The following EYS variants were observed in gnomAD, a reference collection of about 807,000 sequenced individuals.
EYS encodes protein eyes shut homolog.
Under a neutral mutation model 282.1 loss-of-function variants are expected in EYS, and 250 were observed. The observed-to-expected ratio is 0.89, with a 90% CI of 0.80 to 0.98. EYS has a LOEUF of 0.98. EYS is among the 50% of genes least tolerant of loss of function. The pLI, the probability that EYS is intolerant of heterozygous loss-of-function variation, is 0.00. For missense variants in EYS, 4,016 were observed against 3,709.0 expected, an observed-to-expected ratio of 1.08 and a Z score of -2.15; for synonymous variants, 1,355 against 1,282.9, an observed-to-expected ratio of 1.06 and a Z score of -1.20.
chr6:65,485,805 CAA>C (rs56014632), intron 5 of EYS, among the ~76,000 whole-genome samples: 7 of 147,880 alleles, frequency 4.7e-5, no homozygotes, highest in East Asian at 2.0e-4. Context: ...CTGCCTCAAA[CAA>C]AAAAAAAAAT....
At chr6:64,028,779 A>G (rs186753155) in intron 33 of EYS, among the ~76,000 whole-genome samples, 3 of 152,178 alleles carry the variant, frequency 2.0e-5, no homozygotes, top group African/African-American at 7.2e-5. Flanking sequence ...TCTGGCTACC[A>G]GTTCAGAAGC....
intron 2 of EYS, among the ~76,000 whole-genome samples, chr6:65,592,574 A>G (rs1187331759): frequency 6.6e-6 from 1 of 151,968 alleles, no homozygotes; most frequent in Non-Finnish European, 1.5e-5. Context: ...TGTAACCCTC[A>G]CAACCACCCA....
chr6:64,015,130 C>T (rs1330185895), intron 33 of EYS, among the ~76,000 whole-genome samples: 1 of 152,042 alleles, frequency 6.6e-6, no homozygotes, highest in Non-Finnish European at 1.5e-5. Flanking sequence ...GAATAAGTAA[C>T]CATGATGATG....
chr6:63,836,839 T>G (rs1771821183), intron 36 of EYS, among the ~76,000 whole-genome samples: 1 of 152,070 alleles, frequency 6.6e-6, no homozygotes, highest in African/African-American at 2.4e-5. Context: ...AAATATTTAG[T>G]AGTCTGCTAA....
chr6:65,369,287 T>A (rs114609856), intron 8 of EYS, among the ~76,000 whole-genome samples: 26,509 of 127,890 alleles, frequency 0.21, 3,271 homozygotes, highest in Non-Finnish European at 0.28. Context: ...TTATATATAT[T>A]ATATATATAT....
chr6:65,689,002 G>A (rs1376213109), intron 1 of EYS, among the ~76,000 whole-genome samples: 1 of 150,850 alleles, frequency 6.6e-6, no homozygotes, highest in Non-Finnish European at 1.5e-5. Context: ...AATACCATTT[G>A]ACCCAGCCAT....
chr6:65,647,802 A>C (rs1767504528), intron 1 of EYS, among the ~76,000 whole-genome samples: 1 of 152,178 alleles, frequency 6.6e-6, no homozygotes, highest in Non-Finnish European at 1.5e-5. Context: ...AGAATCTACA[A>C]AGAACTCAAA....
chr6:64,403,944 C>T (rs1382848193), intron 28 of EYS, among the ~76,000 whole-genome samples: 1 of 151,630 alleles, frequency 6.6e-6, no homozygotes, highest in Non-Finnish European at 1.5e-5. Context: ...ATCCAAAAAT[C>T]AGCCCACTGG....
At chr6:64,146,520 G>A (rs1157097337) in intron 31 of EYS, among the ~76,000 whole-genome samples, 1 of 152,200 alleles carries the variant, frequency 6.6e-6, no homozygotes, top group Non-Finnish European at 1.5e-5. Flanking sequence ...CAGGACTGAA[G>A]CAGCAGGGGA....
At chr6:63,890,379 G>T (rs1773376489) in intron 35 of EYS, among the ~76,000 whole-genome samples, 1 of 152,072 alleles carries the variant, frequency 6.6e-6, no homozygotes, top group Admixed American at 6.6e-5. Flanking sequence ...GCAAAAGAAT[G>T]GAAATAATAA....
At chr6:64,432,131 G>T (rs900981016) in intron 28 of EYS, among the ~76,000 whole-genome samples, 15 of 151,976 alleles carry the variant, frequency 9.9e-5, no homozygotes, top group African/African-American at 3.6e-4. Flanking sequence ...AGGTTATTTG[G>T]CTTTGCAGAG....
intron 5 of EYS, among the ~76,000 whole-genome samples, chr6:65,420,714 T>TA (rs1767421897): frequency 6.6e-6 from 1 of 151,886 alleles, no homozygotes. Context: ...ATTTCTTAAA[T>TA]AAAAAGACTT....
At chr6:65,271,545 T>G (rs1767904501) in intron 12 of EYS, among the ~76,000 whole-genome samples, 1 of 152,030 alleles carries the variant, frequency 6.6e-6, no homozygotes, top group Non-Finnish European at 1.5e-5. Flanking sequence ...ACCAGCTATC[T>G]GGGAATCCAG....
At chr6:64,809,132 G>T (rs983988331) in intron 22 of EYS, among the ~76,000 whole-genome samples, 1 of 152,066 alleles carries the variant, frequency 6.6e-6, no homozygotes, top group Non-Finnish European at 1.5e-5. Context: ...GGCAAATAGA[G>T]TTAGGATATG....
chr6:64,122,312 C>A (rs1045994804), intron 31 of EYS, among the ~76,000 whole-genome samples: 1 of 151,978 alleles, frequency 6.6e-6, no homozygotes, highest in South Asian at 2.1e-4. Flanking sequence ...TGAAATCTTC[C>A]CTGGAAGAAT....
intron 35 of EYS, among the ~76,000 whole-genome samples, chr6:63,933,712 C>T (rs891967267): frequency 1.3e-5 from 2 of 152,094 alleles, no homozygotes; most frequent in Non-Finnish European, 2.9e-5. Context: ...CCAGCCATCT[C>T]ATGAACATAG....
intron 23 of EYS, among the ~76,000 whole-genome samples, chr6:64,618,627 G>A (rs1767348095): frequency 6.6e-6 from 1 of 152,132 alleles, no homozygotes. Flanking sequence ...ACTTAGAAAT[G>A]ATTTATTGAA....
intron 28 of EYS, among the ~76,000 whole-genome samples, chr6:64,390,084 A>G (rs533997502): frequency 5.3e-5 from 8 of 152,220 alleles, no homozygotes; most frequent in African/African-American, 1.9e-4. Context: ...AAAACGGCAC[A>G]TCACGAGATT....
intron 21 of EYS, among the ~76,000 whole-genome samples, chr6:64,813,933 A>G (rs1369360014): frequency 1.3e-5 from 2 of 151,996 alleles, no homozygotes; most frequent in African/African-American, 4.8e-5. Flanking sequence ...CATACCTCTC[A>G]GTTTTCCCAA....
Sources: gnomAD v4.1 joint callset for allele counts (sites outside exome capture counted in the v4.1 genomes callset) on GRCh38, gnomAD v4.1.1 for gene constraint, MANE v1.5 for transcripts, NCBI Gene and HGNC (gene_info 2026-07-23, HGNC 2026-07-21) for gene names.